The following STX11 variants were observed in gnomAD, a reference collection of about 807,000 sequenced individuals.
The protein encoded by STX11 is syntaxin 11, also known as syntaxin-11.
STX11 carries 21 observed loss-of-function variants against 19.9 expected under a neutral mutation model. The ratio of observed to expected loss-of-function variants is 1.06; its 90% CI spans 0.75 to 1.52. The LOEUF (loss-of-function observed/expected upper bound fraction) is 1.52, where lower values mean the gene tolerates loss of function less well. STX11 is among the 40% of genes most tolerant of loss of function. The pLI, the probability that STX11 is intolerant of heterozygous loss-of-function variation, is 0.00. For missense variants in STX11, 438 were observed against 405.9 expected (o/e 1.08, Z -0.68); for synonymous variants, 193 against 174.4 (o/e 1.11, Z -0.84).
rs962772727 is a variant in STX11 at position 144,151,219 on chromosome 6, G to GT, written c.-6+517dup. On this transcript the variant is annotated intron_variant, in intron 1 of 1. Coordinates refer to ENST00000367568, the MANE Select transcript of STX11 (RefSeq NM_003764.4). The surrounding 1 kb of genome is among the most constrained non-coding windows in gnomAD (Gnocchi z 4.6). ...TTCGAGGAGTCCCTTCGAAGCCCAC[G>GT]TAAGACTTTGTTTTAGAAACATGGA... The GT allele has an allele frequency of 2.0e-6, 2 of 985,162 alleles. No homozygotes were observed. Among genetic ancestry groups the GT allele is most frequent in the African/African-American group, 1.7e-5 (1 of 57,214 alleles). 61.0% of individuals were successfully genotyped at this position (985,162 alleles called of 1,614,324 possible).
At chr6:144,166,494 T>G (rs540974531) in intron 1 of STX11, among the ~76,000 whole-genome samples, 1 of 151,796 alleles carries the variant, frequency 6.6e-6, no homozygotes, top group South Asian at 2.1e-4. Context: ...CCCTCAGTCT[T>G]CCTTTCTTTC....
At position 144,150,615 on chromosome 6, in the gene STX11, A is replaced by C; in HGVS notation, c.-94A>C. On this transcript the variant is annotated 5_prime_UTR_variant, in exon 1 of 2. Coordinates refer to ENST00000367568, the MANE Select transcript of STX11 (RefSeq NM_003764.4). ...GCGGAGCCGCCGGGAGTCGCGCAACAGGTTTCCTTCTCCATCGCTGCGCCC... is the reference window on the plus strand; with the variant it reads ...GCGGAGCCGCCGGGAGTCGCGCAACCGGTTTCCTTCTCCATCGCTGCGCCC... 2 of 985,052 alleles carry C rather than the reference A, an allele frequency of 2.0e-6. No individual in the cohort carries two copies. Among genetic ancestry groups the C allele is most frequent in the South Asian group, 9.4e-5 (2 of 21,284 alleles). The allele number at this position is 985,052 out of a possible 1,614,324, so 61.0% of individuals were successfully genotyped here.
rs1237275711 is a variant in STX11, at chr6:144,177,523, C to T, written c.-5-9100C>T. On this transcript the variant is annotated intron_variant, in intron 1 of 1. Transcript: ENST00000367568. This position sits in a 1 kb window ranked among gnomAD's most constrained non-coding sequence, Gnocchi z 4.4. Reference sequence around the variant, plus strand: ...CAGCACTTTGGGAGGCTGAGGCAGGCGGATCACAAGGTCAGGAGTTTGAGA... The same window carrying T: ...CAGCACTTTGGGAGGCTGAGGCAGGTGGATCACAAGGTCAGGAGTTTGAGA... 6.6e-6 allele frequency among the ~76,000 whole-genome samples: 1 copy of T among 152,086 alleles called. No individual in the cohort carries two copies. Among genetic ancestry groups the T allele is most frequent in the Non-Finnish European group, 1.5e-5 (1 of 68,012 alleles).
Position 144,177,638 on chromosome 6 carries a change from TACTCAGGAGGCTGAGGCAGGAG to T in STX11, c.-5-8983_-5-8962del, listed in dbSNP as rs1485229170. Among the ~76,000 whole-genome samples, 1 of 152,104 alleles carries T rather than the reference TACTCAGGAGGCTGAGGCAGGAG, an allele frequency of 6.6e-6. No homozygotes were observed. Among genetic ancestry groups the T allele is most frequent in the Non-Finnish European group, 1.5e-5 (1 of 68,020 alleles). On this transcript the variant is annotated intron_variant, in intron 1 of 1. Coordinates refer to ENST00000367568, the MANE Select transcript of STX11 (RefSeq NM_003764.4). This position sits in a 1 kb window ranked among gnomAD's most constrained non-coding sequence, Gnocchi z 4.4. ...GGTGGTGCACACCTGTAATCCCAGC[TACTCAGGAGGCTGAGGCAGGAG>T]AATTGCTTGAACCCGGGAGGCAAAG...
At position 144,174,755 on chromosome 6, in the gene STX11, G is replaced by A. The variant is rs1428839408; in HGVS notation, c.-5-11868G>A. ...ACCTAGGAGGTCAGATCAAGAATGT[G>A]GGATGAGAACAGATGCTCACCACGT... On this transcript the variant is annotated intron_variant, in intron 1 of 1. Coordinates refer to ENST00000367568, the MANE Select transcript of STX11 (RefSeq NM_003764.4). This position sits in a 1 kb window ranked among gnomAD's most constrained non-coding sequence, Gnocchi z 5.3. 1.3e-5 allele frequency among the ~76,000 whole-genome samples: 2 copies of A among 151,954 alleles called. No homozygotes were observed. Among genetic ancestry groups the A allele is most frequent in the Non-Finnish European group, 2.9e-5 (2 of 68,034 alleles).
At position 144,151,542 on chromosome 6, in the gene STX11, G is replaced by A; in HGVS notation, c.-6+839G>A. ...CTGCCAACCTGGGGCAGTGGTATGG[G>A]AAGTGACGATTGAGTTTTCAGTTTC... is the stretch of plus-strand genomic sequence containing the variant. On this transcript the variant is annotated intron_variant, in intron 1 of 1. Coordinates refer to ENST00000367568, the MANE Select transcript of STX11 (RefSeq NM_003764.4). This position sits in a 1 kb window ranked among gnomAD's most constrained non-coding sequence, Gnocchi z 4.6. The A allele has an allele frequency of 1.6e-6, 1 of 608,246 alleles. No individual in the cohort carries two copies. Among genetic ancestry groups the A allele is most frequent in the African/African-American group, 2.0e-5 (1 of 50,012 alleles). 37.7% of individuals were successfully genotyped at this position (608,246 alleles called of 1,614,324 possible). A position where few individuals can be genotyped will look rare whatever the true frequency, so the allele number is the denominator to read the frequency against.
chr6:144,150,849 G>GC (rs1800988036), intron 1 of STX11, 146 bp downstream of exon 1: 2 of 536,836 alleles, frequency 3.7e-6, no homozygotes, highest in South Asian at 8.0e-5. Flanking sequence ...TGGATCTGGC[G>GC]CAGGTCCTCA....
Position 144,172,239 on chromosome 6 carries a change from C to T in STX11, c.-5-14384C>T, listed in dbSNP as rs370783838. Among the ~76,000 whole-genome samples, 5 of 152,310 alleles carry T rather than the reference C, an allele frequency of 3.3e-5. No homozygotes were observed. In the East Asian group the frequency reaches 5.8e-4, roughly 18 times the overall value. On this transcript the variant is annotated intron_variant, in intron 1 of 1. Transcript: ENST00000367568. The surrounding 1 kb of genome is among the most constrained non-coding windows in gnomAD (Gnocchi z 4.2). ...TGAGATAATCCATGTAAACCTTCCACAACAGTCTCTGGCAGATAGTAAGCA... is the reference window on the plus strand; with the variant it reads ...TGAGATAATCCATGTAAACCTTCCATAACAGTCTCTGGCAGATAGTAAGCA...
chr6:144,187,735 A>G lies in STX11; in HGVS notation c.*244A>G. 1.6e-6 allele frequency: 1 copy of G among 612,920 alleles called. No homozygotes were observed. Among genetic ancestry groups the G allele is most frequent in the Middle Eastern group, 4.5e-4 (1 of 2,234 alleles). The allele number at this position is 612,920 out of a possible 1,614,324, so 38.0% of individuals were successfully genotyped here. A position where few individuals can be genotyped will look rare whatever the true frequency, so the allele number is the denominator to read the frequency against. On this transcript the variant is annotated 3_prime_UTR_variant, in exon 2 of 2. Coordinates refer to ENST00000367568, the MANE Select transcript of STX11 (RefSeq NM_003764.4). The surrounding 1 kb of genome is among the most constrained non-coding windows in gnomAD (Gnocchi z 5.6). Reference sequence around the variant, plus strand: ...CCACAAAGTTGTGCAATGTCATTATATGACACCTTGCACTCTTACCGTCTT... The same window carrying G: ...CCACAAAGTTGTGCAATGTCATTATGTGACACCTTGCACTCTTACCGTCTT...
chr6:144,189,758 C>T lies in STX11; in HGVS notation c.*2267C>T, dbSNP rs1176623643. Among the ~76,000 whole-genome samples, 1 of 152,080 alleles carries T rather than the reference C, an allele frequency of 6.6e-6. No individual in the cohort carries two copies. Among genetic ancestry groups the T allele is most frequent in the Non-Finnish European group, 1.5e-5 (1 of 68,014 alleles). ...TGGTTAAATTTGAGAATTGTGGAAA[C>T]CAAGTTCCACAAGGCTATTCTCATA... is the stretch of plus-strand genomic sequence containing the variant. On this transcript the variant is annotated 3_prime_UTR_variant, in exon 2 of 2. Coordinates refer to ENST00000367568, the MANE Select transcript of STX11 (RefSeq NM_003764.4).
chr6:144,142,692 G>C, the STX11 span, among the ~76,000 whole-genome samples: 2 of 152,120 alleles, frequency 1.3e-5, no homozygotes, highest in African/African-American at 4.8e-5. Context: ...CTTACTCATG[G>C]GAGGTAGAGA....
chr6:144,150,650 G>T lies in STX11; in HGVS notation c.-59G>T. On this transcript the variant is annotated 5_prime_UTR_variant, in exon 1 of 2. Coordinates refer to ENST00000367568, the MANE Select transcript of STX11 (RefSeq NM_003764.4). ...CTCCATCGCTGCGCCCACAGGGGAC[G>T]CGCGCCCTGCCGGGAGAGGGGCTTC... 3.0e-6 allele frequency: 3 copies of T among 985,376 alleles called. No individual in the cohort carries two copies. Among genetic ancestry groups the T allele is most frequent in the Non-Finnish European group, 3.6e-6 (3 of 829,938 alleles). 61.0% of individuals were successfully genotyped at this position (985,376 alleles called of 1,614,324 possible). A position where few individuals can be genotyped will look rare whatever the true frequency, so the allele number is the denominator to read the frequency against.
At chr6:144,166,525 CTTT>C (rs1174123119) in intron 1 of STX11, among the ~76,000 whole-genome samples, 4 of 125,520 alleles carry the variant, frequency 3.2e-5, no homozygotes, top group East Asian at 4.7e-4. Context: ...CTTTTCTTTC[CTTT>C]TTTTTTTTTT....
the STX11 span, among the ~76,000 whole-genome samples, chr6:144,144,561 A>G: frequency 1.3e-5 from 2 of 152,258 alleles, no homozygotes; most frequent in African/African-American, 2.4e-5. Context: ...ACTGTCTACA[A>G]TAATGGAAAT....
chr6:144,181,433 A>G (rs1176644055), intron 1 of STX11, among the ~76,000 whole-genome samples: 1 of 151,860 alleles, frequency 6.6e-6, no homozygotes, highest in African/African-American at 2.4e-5. Flanking sequence ...CATCTCTACT[A>G]AAAATACAAA....
intron 1 of STX11, among the ~76,000 whole-genome samples, chr6:144,168,788 C>A (rs1445861367): frequency 6.6e-6 from 1 of 152,248 alleles, no homozygotes; most frequent in East Asian, 1.9e-4. Context: ...CCTCTCTTCA[C>A]TGCTGCTAGC....
At chr6:144,148,755 CTTATT>C (rs887973810), upstream of STX11, among the ~76,000 whole-genome samples, 4 of 152,086 alleles carry the variant, frequency 2.6e-5, no homozygotes, top group African/African-American at 9.7e-5. Flanking sequence ...TCAGACTTTC[CTTATT>C]TTATTTTATT....
chr6:144,166,908 T>C (rs988155884), intron 1 of STX11, among the ~76,000 whole-genome samples: 3 of 149,732 alleles, frequency 2.0e-5, no homozygotes, highest in African/African-American at 7.3e-5. Context: ...ACCTCTCTCT[T>C]TCTTTCTTTT....
rs1801872302 is a variant in STX11 at position 144,180,087 on chromosome 6, C to G, written c.-5-6536C>G. On this transcript the variant is annotated intron_variant, in intron 1 of 1. Coordinates refer to ENST00000367568, the MANE Select transcript of STX11 (RefSeq NM_003764.4). The surrounding 1 kb of genome is among the most constrained non-coding windows in gnomAD (Gnocchi z 5.3). ...GGTTTGCTGTGTGCCTTGAGCTGCT[C>G]TGTATTGCATATTCCCATGTCTGAA... Among the ~76,000 whole-genome samples, 1 of 152,208 alleles carries G rather than the reference C, an allele frequency of 6.6e-6. No homozygotes were observed. The highest frequency in any genetic ancestry group is 2.4e-5 in the African/African-American group (1 of 41,448).
Sources: allele counts gnomAD v4.1 joint callset (sites outside exome capture counted in the v4.1 genomes callset), GRCh38; gene constraint gnomAD v4.1.1; non-coding constraint Gnocchi (gnomAD v3.1); transcripts MANE v1.5; gene names NCBI Gene and HGNC (gene_info 2026-07-23, HGNC 2026-07-21).